SPG7: variants seen among roughly 807,000 people sequenced by gnomAD.
SPG7 encodes the protein SPG7 matrix AAA peptidase subunit, paraplegin.
A neutral mutation model predicts 81.9 loss-of-function variants in SPG7; 103 were observed. The observed-to-expected ratio is 1.26, with a 90% CI of 1.07 to 1.48. The LOEUF (loss-of-function observed/expected upper bound fraction) is 1.48, where lower values mean the gene tolerates loss of function less well. Among genes scored for constraint, SPG7 ranks in the 40% most tolerant of loss-of-function variants. SPG7 has a pLI of 0.00. For synonymous variants in SPG7, 534 were observed against 444.2 expected, an observed-to-expected ratio of 1.20 and a Z score of -2.54; for missense variants, 1,241 against 1,087.3, an observed-to-expected ratio of 1.14 and a Z score of -1.99.
chr16:89,525,642 T>C (rs1246615652), intron 4 of SPG7, among the ~76,000 whole-genome samples: 1 of 152,152 alleles, frequency 6.6e-6, no homozygotes, highest in Non-Finnish European at 1.5e-5. Flanking sequence ...GAGCTAAACA[T>C]GCGGAGTTTA....
At position 89,510,473 on chromosome 16, in the gene SPG7, T is replaced by C; in HGVS notation, c.184-17T>C. On this transcript the variant is annotated splice_polypyrimidine_tract_variant and intron_variant, in intron 1 of 16. Transcript: ENST00000645818. ...ATGTTGGTGTGACCTCCAGTATTGT[T>C]TTTTTTTTTTTTTCAGAGCTTACAA... is the stretch of plus-strand genomic sequence containing the variant. 1.1e-6 allele frequency: 1 copy of C among 922,896 alleles called. No homozygotes were observed. The highest frequency in any genetic ancestry group is 1.4e-6 in the Non-Finnish European group (1 of 691,510). The allele number at this position is 922,896 out of a possible 1,614,324, so 57.2% of individuals were successfully genotyped here.
intron 6 of SPG7, 63 bp from the exon 7 acceptor site, chr16:89,530,620 T>C (rs2058328331): frequency 1.9e-6 from 3 of 1,610,082 alleles, no homozygotes; most frequent in South Asian, 1.1e-5. Context: ...GGCTGAGCGC[T>C]GGCATCGTGC....
At chr16:89,537,189 T>G in intron 9 of SPG7, 1 of 1,434,116 alleles carries the variant, frequency 7.0e-7, no homozygotes, top group Non-Finnish European at 9.1e-7. Context: ...GGGCCGACGC[T>G]GTGCCGGTCG....
At chr16:89,542,372 T>C (rs2058506836) in intron 9 of SPG7, 1 of 152,212 alleles carries the variant, frequency 6.6e-6, no homozygotes, top group Non-Finnish European at 1.5e-5. Flanking sequence ...CGTGTCATAG[T>C]GAGACAAGGC....
Position 89,524,222 on chromosome 16 carries a change from C to T in SPG7, c.593C>T (p.Pro198Leu), listed in dbSNP as rs770721153. The change falls in exon 4 of 17, where the codon CCT becomes CTT. Residue 198 changes from proline to leucine, a missense_variant. Coordinates refer to ENST00000645818, the MANE Select transcript of SPG7 (RefSeq NM_003119.4). ...ESDVVEVYLH[P>L]GAVVFGRPRL... ...GACGTGGTGGAAGTCTACCTGCACC[C>T]TGGAGCCGTGGTGTTTGGGCGGCCT... is the stretch of plus-strand genomic sequence containing the variant. The T allele has an allele frequency of 6.2e-6, 10 of 1,612,314 alleles. No individual in the cohort carries two copies. In the East Asian group the frequency reaches 1.8e-4, roughly 29 times the overall value.
intron 9 of SPG7, chr16:89,541,701 G>A (rs1376031621): frequency 6.6e-6 from 1 of 152,260 alleles, no homozygotes; most frequent in Non-Finnish European, 1.5e-5. Context: ...GGACTGCTCT[G>A]TGCTGTTTTT....
chr16:89,511,745 A>G (rs2058025760), intron 2 of SPG7, among the ~76,000 whole-genome samples: 1 of 151,994 alleles, frequency 6.6e-6, no homozygotes, highest in African/African-American at 2.4e-5. Context: ...ATTTTTTATT[A>G]TTATTTGAGA....
At chr16:89,513,964 G>A (rs2058055909) in intron 3 of SPG7, among the ~76,000 whole-genome samples, 2 of 152,178 alleles carry the variant, frequency 1.3e-5, no homozygotes, top group African/African-American at 4.8e-5. Flanking sequence ...TGTTTCAGGA[G>A]TGACGTCCTT....
At chr16:89,518,516 C>T (rs911852805) in intron 3 of SPG7, 2 of 150,844 alleles carry the variant, frequency 1.3e-5, no homozygotes, top group Non-Finnish European at 1.5e-5. Context: ...ACTGGTAAGG[C>T]GGGTGAACCC....
intron 3 of SPG7, among the ~76,000 whole-genome samples, chr16:89,513,310 G>A (rs1294252783): frequency 1.3e-5 from 2 of 151,852 alleles, no homozygotes; most frequent in East Asian, 1.9e-4. Flanking sequence ...TGAGGCAGGC[G>A]GATCACCTGC....
At chr16:89,526,512 G>T in intron 5 of SPG7, 44 bp downstream of exon 5, 1 of 1,612,474 alleles carries the variant, frequency 6.2e-7, no homozygotes. Flanking sequence ...AACCTAACTT[G>T]GCTTTGTAAT....
chr16:89,536,761 C>T, intron 9 of SPG7: 1 of 1,613,912 alleles, frequency 6.2e-7, no homozygotes, highest in Non-Finnish European at 8.5e-7. Flanking sequence ...TCTTCTCCAA[C>T]CAGGTGCCTC....
intron 15 of SPG7, among the ~76,000 whole-genome samples, chr16:89,554,201 C>G (rs987502115): frequency 2.6e-5 from 4 of 152,054 alleles, no homozygotes; most frequent in Non-Finnish European, 5.9e-5. Flanking sequence ...CAAATAAATA[C>G]ACCGAGCAAT....
intron 11 of SPG7, chr16:89,547,412 TTC>T (rs2058577231): frequency 5.6e-6 from 1 of 177,822 alleles, no homozygotes; most frequent in Non-Finnish European, 1.2e-5. Context: ...AGCCTGGCGG[TTC>T]TGTGTCTCGT....
chr16:89,548,293 A>G, intron 12 of SPG7, 180 bp downstream of exon 12: 2 of 585,676 alleles, frequency 3.4e-6, no homozygotes, highest in East Asian at 2.9e-5. Flanking sequence ...TTAGTTTAAA[A>G]TATCACAGAT....
chr16:89,554,633 C>T (rs1186245601), intron 16 of SPG7, 70 bp downstream of exon 16: 1 of 1,034,694 alleles, frequency 9.7e-7, no homozygotes, highest in African/African-American at 1.6e-5. Flanking sequence ...GGTCCCCACC[C>T]CTCTCGTGAA....
At chr16:89,527,879 T>C (rs892866609) in intron 5 of SPG7, among the ~76,000 whole-genome samples, 1 of 151,412 alleles carries the variant, frequency 6.6e-6, no homozygotes, top group Non-Finnish European at 1.5e-5. Context: ...GAGGATCTCT[T>C]GAGCCCACAA....
intron 9 of SPG7, chr16:89,537,179 G>C: frequency 6.9e-7 from 1 of 1,439,860 alleles, no homozygotes; most frequent in Non-Finnish European, 9.1e-7. Flanking sequence ...GCACAGGATA[G>C]GGCCGACGCT....
At chr16:89,549,183 A>G (rs2058604093) in intron 12 of SPG7, 1 of 456,684 alleles carries the variant, frequency 2.2e-6, no homozygotes, top group Non-Finnish European at 4.4e-6. Context: ...TGATAATAGT[A>G]GCAAAGCAGG....
Sources: gnomAD v4.1 joint callset for allele counts (sites outside exome capture counted in the v4.1 genomes callset) on GRCh38, gnomAD v4.1.1 for gene constraint, MANE v1.5 for transcripts, NCBI Gene and HGNC (gene_info 2026-07-23, HGNC 2026-07-21) for gene names.